Variants in KCNN1 observed in about 807,000 individuals in gnomAD.
KCNN1 encodes the protein potassium calcium-activated channel subfamily N member 1, also known as small conductance calcium-activated potassium channel protein 1.
Under a neutral mutation model 44.7 loss-of-function variants are expected in KCNN1, and 20 were observed. That is an observed-to-expected ratio of 0.45 (90% CI 0.32 to 0.65). KCNN1 has a LOEUF of 0.65. KCNN1 is among the 30% of genes least tolerant of loss of function. The probability of loss-of-function intolerance (pLI) is 0.05; values close to 1 mark genes in which losing one functional copy is unlikely to be tolerated. For missense variants in KCNN1, 632 were observed against 785.3 expected (o/e 0.80, Z 2.33); for synonymous variants, 324 against 341.7 (o/e 0.95, Z 0.57).
At chr19:17,956,436 G>A (rs2031544898) in intron 2 of KCNN1, among the ~76,000 whole-genome samples, 1 of 152,166 alleles carries the variant, frequency 6.6e-6, no homozygotes, top group African/African-American at 2.4e-5. Flanking sequence ...ATTTCATGGG[G>A]CATCAATTAA....
chr19:17,984,768 C>G (rs1287887039), intron 4 of KCNN1, among the ~76,000 whole-genome samples: 1 of 152,094 alleles, frequency 6.6e-6, no homozygotes, highest in Non-Finnish European at 1.5e-5. Context: ...AGTGCCAAAG[C>G]CGATGCCCCT....
chr19:17,954,074 G>C (rs2031484530), intron 1 of KCNN1, among the ~76,000 whole-genome samples: 1 of 152,206 alleles, frequency 6.6e-6, no homozygotes, highest in Non-Finnish European at 1.5e-5. Flanking sequence ...TTAGGGAGGG[G>C]ACATGGAAGA....
At position 17,974,158 on chromosome 19, in the gene KCNN1, C is replaced by T; in HGVS notation, c.270C>T (p.Gly90=). 1 of 1,613,646 alleles carries T rather than the reference C, an allele frequency of 6.2e-7. No homozygotes were observed. The highest frequency in any genetic ancestry group is 8.5e-7 in the Non-Finnish European group (1 of 1,179,864). Residue 90 remains glycine (G), a synonymous_variant, in exon 2 of 10, where the codon GGC becomes GGT. Transcript: ENST00000684775. This position sits in a 1 kb window ranked among gnomAD's most constrained non-coding sequence, Gnocchi z 7.3. ...QRASGKPSNV[G]HRLGHRRALF... ...CCTCGGGGAAACCCTCAAATGTGGGCCACCGCCTGGGCCACCGGCGGGCGC... is the reference window on the plus strand; with the variant it reads ...CCTCGGGGAAACCCTCAAATGTGGGTCACCGCCTGGGCCACCGGCGGGCGC...
Position 17,981,779 on chromosome 19 carries a change from C to T in KCNN1, c.569C>T (p.Ser190Leu), listed in dbSNP as rs1271360310. The T allele has an allele frequency of 5.0e-6, 8 of 1,612,582 alleles. No individual in the cohort carries two copies. The highest frequency in any genetic ancestry group is 1.6e-4 in the Middle Eastern group (1 of 6,076). The change falls in exon 4 of 10, where the codon TCG becomes TTG. Residue 190 changes from serine to leucine, a missense_variant. Physicochemically the swap from Ser to Leu is moderately radical, Grantham distance 145. Around this residue, in one of 3 missense-constraint regions of KCNN1, gnomAD observed 160 missense variants for 308.3 expected, o/e 0.52. Coordinates refer to ENST00000684775, the MANE Select transcript of KCNN1 (RefSeq NM_001386974.1). ...ACCTGCGAGCGCGTGTTCCTCATCT[C>T]GCTAGAGCTGGCAGTGTGCGCCATT... Reference protein sequence around the residue: ...AMTCERVFLISLELAVCAIHP... With the variant: ...AMTCERVFLILLELAVCAIHP...
intron 1 of KCNN1, among the ~76,000 whole-genome samples, chr19:17,953,977 T>TGA (rs1320424098): frequency 6.6e-6 from 1 of 151,510 alleles, no homozygotes; most frequent in Non-Finnish European, 1.5e-5. Flanking sequence ...AGGGGCAATG[T>TGA]GAGGGGGTGA....
chr19:17,991,135 T>C (rs1481256234), intron 7 of KCNN1, among the ~76,000 whole-genome samples: 4 of 151,318 alleles, frequency 2.6e-5, no homozygotes, highest in East Asian at 1.9e-4. Flanking sequence ...GGAAACATAG[T>C]GAGACCCCAC....
intron 1 of KCNN1, among the ~76,000 whole-genome samples, chr19:17,967,938 C>T (rs1235015364): frequency 6.6e-6 from 1 of 151,926 alleles, no homozygotes; most frequent in Non-Finnish European, 1.5e-5. Context: ...TGGCAGGCTC[C>T]TGGCGGGTGG....
chr19:17,989,874 C>A, intron 7 of KCNN1, 31 bp downstream of exon 7: 1 of 1,610,720 alleles, frequency 6.2e-7, no homozygotes, highest in East Asian at 2.2e-5. Context: ...GCTCACGTTT[C>A]TGTGTCCACA....
chr19:17,976,543 C>T (rs1392941354), intron 3 of KCNN1, among the ~76,000 whole-genome samples: 1 of 151,012 alleles, frequency 6.6e-6, no homozygotes, highest in South Asian at 2.1e-4. Context: ...TTCAGCCTCC[C>T]GAGCAGCTGG....
At chr19:17,976,975 C>A (rs544918764) in intron 3 of KCNN1, among the ~76,000 whole-genome samples, 3 of 152,226 alleles carry the variant, frequency 2.0e-5, no homozygotes, top group African/African-American at 7.2e-5. Flanking sequence ...CCTTGGCCTC[C>A]CAAAGTGCTG....
In KCNN1 at chr19:17,989,862, C is replaced by T; in HGVS notation, c.1298+19C>T. 1 of 1,611,282 alleles carries T rather than the reference C, an allele frequency of 6.2e-7. No individual in the cohort carries two copies. Among genetic ancestry groups the T allele is most frequent in the Non-Finnish European group, 8.5e-7 (1 of 1,178,500 alleles). On this transcript the variant is annotated intron_variant, in intron 7 of 9. Coordinates refer to ENST00000684775, the MANE Select transcript of KCNN1 (RefSeq NM_001386974.1). ...TCCATCAGTAAGTCCAGCACCTTTC[C>T]AGCTCACGTTTCTGTGTCCACATGG...
intron 9 of KCNN1, among the ~76,000 whole-genome samples, chr19:17,994,909 T>G (rs1402862059): frequency 6.6e-6 from 1 of 152,218 alleles, no homozygotes; most frequent in Non-Finnish European, 1.5e-5. Flanking sequence ...ATTAATCAAG[T>G]GCTTGAGATC....
chr19:17,962,371 C>A (rs112519499), upstream of KCNN1, among the ~76,000 whole-genome samples: 14 of 152,316 alleles, frequency 9.2e-5, 1 homozygote, highest in African/African-American at 3.4e-4. Flanking sequence ...CCCAGTCCCT[C>A]CCCTCCCATC....
chr19:17,989,840 A>G lies in KCNN1; in HGVS notation c.1295A>G (p.His432Arg). Residue 432 changes from histidine (H) to arginine (R), a missense_variant, in exon 7 of 10, where the codon CAT becomes CGT. His to Arg is a conservative substitution (Grantham distance 29, BLOSUM62 0). Transcript: ENST00000684775. ...KHQRKFLQAIHQAQKLRSVKI... is the reference protein window; with the variant it reads ...KHQRKFLQAIRQAQKLRSVKI... ...CAGCGTAAGTTCCTCCAAGCCATCCATCAGTAAGTCCAGCACCTTTCCAGC... is the reference window on the plus strand; with the variant it reads ...CAGCGTAAGTTCCTCCAAGCCATCCGTCAGTAAGTCCAGCACCTTTCCAGC... The G allele has an allele frequency of 6.2e-7, 1 of 1,613,470 alleles. No homozygotes were observed. The highest frequency in any genetic ancestry group is 8.5e-7 in the Non-Finnish European group (1 of 1,179,730).
Position 17,993,395 on chromosome 19 carries a change from A to G in KCNN1, c.1308-95A>G. 1 of 881,654 alleles carries G rather than the reference A, an allele frequency of 1.1e-6. No individual in the cohort carries two copies. Among genetic ancestry groups the G allele is most frequent in the Non-Finnish European group, 1.9e-6 (1 of 538,566 alleles). The allele number at this position is 881,654 out of a possible 1,614,324, so 54.6% of individuals were successfully genotyped here. A position where few individuals can be genotyped will look rare whatever the true frequency, so the allele number is the denominator to read the frequency against. ...CCTCATCCTCTGATGCATGTCCCAT[A>G]GGTGACCCCGGGTGGGTGCATGAAA... On this transcript the variant is annotated intron_variant, in intron 8 of 9. Transcript: ENST00000684775. This position sits in a 1 kb window ranked among gnomAD's most constrained non-coding sequence, Gnocchi z 4.5.
In KCNN1 at chr19:17,958,482, T is replaced by C. The variant is rs977992159; in HGVS notation, c.-82+3801T>C. Among the ~76,000 whole-genome samples the C allele has an allele frequency of 7.6e-5, 7 of 91,916 alleles. No homozygotes were observed. In the South Asian group the frequency reaches 1.9e-3, roughly 24 times the overall value. 60.3% of individuals were successfully genotyped at this position (91,916 alleles called of 152,430 possible). A position where few individuals can be genotyped will look rare whatever the true frequency, so the allele number is the denominator to read the frequency against. On this transcript the variant is annotated intron_variant, in intron 2 of 10. Coordinates refer to the KCNN1 transcript ENST00000222249. The stretch of plus-strand genomic sequence containing the variant: ...CGAGACAACAGGAGACCCTGTCTCT[T>C]TTTTTTTTTTTTTTTTTTTTTGATA...
At chr19:17,964,871 TGGGTACAGGGGCTTCAGGGCGTGGGCAG>T, upstream of KCNN1, among the ~76,000 whole-genome samples, 1 of 151,976 alleles carries the variant, frequency 6.6e-6, no homozygotes, top group Middle Eastern at 3.4e-3. The surrounding 1 kb of genome is among the most constrained non-coding windows in gnomAD (Gnocchi z 4.3). Context: ...AGGGAGAAGG[TGGGTACAGGGGCTTCAGGGCGTGGGCAG>T]GGGTGCAGGG....
chr19:17,973,948 C>T lies in KCNN1; in HGVS notation c.60C>T (p.Ala20=). Residue 20 remains alanine (A), a synonymous_variant, in exon 2 of 10, where the codon GCC becomes GCT. Coordinates refer to ENST00000684775, the MANE Select transcript of KCNN1 (RefSeq NM_001386974.1). The stretch of plus-strand genomic sequence containing the variant: ...GGCCGCTGGGCAGCGGGCCGGGCGC[C>T]CTGGGACGAGACCCTCCGGACCCTG... ...VGRPLGSGPG[A]LGRDPPDPEA... 1 of 1,559,614 alleles carries T rather than the reference C, an allele frequency of 6.4e-7. No homozygotes were observed.
chr19:17,979,394 C>G (rs1179169175), intron 3 of KCNN1, among the ~76,000 whole-genome samples: 2 of 136,470 alleles, frequency 1.5e-5, no homozygotes, highest in Non-Finnish European at 3.1e-5. Context: ...GATCGCGTCA[C>G]TGCACTCCAG....
Sources: allele counts gnomAD v4.1 joint callset (sites outside exome capture counted in the v4.1 genomes callset), GRCh38; gene constraint gnomAD v4.1.1; regional missense constraint gnomAD v4.1.1; non-coding constraint Gnocchi (gnomAD v3.1); transcripts MANE v1.5; gene names NCBI Gene and HGNC (gene_info 2026-07-23, HGNC 2026-07-21).